The following TACC2 variants were observed in gnomAD, a reference collection of about 807,000 sequenced individuals.
TACC2 encodes the protein transforming acidic coiled-coil containing protein 2, also known as transforming acidic coiled-coil-containing protein 2.
Under a neutral mutation model 227.3 loss-of-function variants are expected in TACC2, and 137 were observed. That is an observed-to-expected ratio of 0.60 (90% CI 0.52 to 0.69). The LOEUF is 0.69. TACC2 is among the 30% of genes least tolerant of loss of function. TACC2 has a pLI of 0.00. For synonymous variants in TACC2, 1,523 were observed against 1,487.5 expected (o/e 1.02, Z -0.55); for missense variants, 3,470 against 3,694.4 (o/e 0.94, Z 1.57).
At chr10:122,171,785 C>T (rs11200450) in intron 7 of TACC2, among the ~76,000 whole-genome samples, 69 of 152,036 alleles carry the variant, frequency 4.5e-4, no homozygotes, top group Non-Finnish European at 7.9e-4. Context: ...ATTCTTTGTC[C>T]CATGAGGAAA....
At chr10:122,080,227 TTTTTTTTTGTG>T (rs1292698041) in intron 3 of TACC2, among the ~76,000 whole-genome samples, 957 of 10,974 alleles carry the variant, frequency 0.087, 11 homozygotes, top group African/African-American at 0.29. Flanking sequence ...TTTTTTTTGT[TTTTTTTTTGTG>T]TTTTTTTGTT....
chr10:122,177,597 G>T (rs977002144), intron 7 of TACC2, among the ~76,000 whole-genome samples: 4 of 152,106 alleles, frequency 2.6e-5, no homozygotes, highest in Admixed American at 1.3e-4. Flanking sequence ...TAAAATGATG[G>T]CCCAGGGAGT....
Position 122,211,354 on chromosome 10 carries a change from A to G in TACC2, c.6929A>G (p.Lys2310Arg), listed in dbSNP as rs1237798802. 2 of 1,613,698 alleles carry G rather than the reference A, an allele frequency of 1.2e-6. No individual in the cohort carries two copies. Among genetic ancestry groups the G allele is most frequent in the East Asian group, 4.5e-5 (2 of 44,882 alleles). ...CCAAAGATGAAAAAGACACCCGAGA[A>G]ACTTGACAACACTCCTGCCTCACCT... ...RRPKMKKTPEKLDNTPASPPR... is the reference protein window; with the variant it reads ...RRPKMKKTPERLDNTPASPPR... Residue 2310 changes from lysine to arginine, a missense_variant, in exon 9 of 23, where the codon AAA becomes AGA. Physicochemically the swap from Lys to Arg is conservative, Grantham distance 26. This residue lies in a region of TACC2 where 593 missense variants were observed against 636.6 expected (regional missense o/e 0.93). Transcript: ENST00000369005.
chr10:122,071,251 AATT>A (rs1258706509), intron 3 of TACC2, among the ~76,000 whole-genome samples: 1 of 152,182 alleles, frequency 6.6e-6, no homozygotes, highest in Non-Finnish European at 1.5e-5. Flanking sequence ...AATGATCAGA[AATT>A]ATTATATCAG....
intron 1 of TACC2, among the ~76,000 whole-genome samples, chr10:121,991,640 C>T (rs929218536): frequency 2.0e-5 from 3 of 152,238 alleles, no homozygotes; most frequent in South Asian, 2.1e-4. Flanking sequence ...CCATCTCAGC[C>T]GGTATACAGA....
intron 5 of TACC2, among the ~76,000 whole-genome samples, chr10:122,095,679 C>T (rs757815318): frequency 5.9e-5 from 9 of 152,184 alleles, no homozygotes; most frequent in East Asian, 1.9e-4. Context: ...ACGTTCAGAA[C>T]GCTGATCATT....
intron 7 of TACC2, among the ~76,000 whole-genome samples, chr10:122,146,082 G>A (rs1004870960): frequency 6.6e-6 from 1 of 152,168 alleles, no homozygotes; most frequent in African/African-American, 2.4e-5. Context: ...TGAGTTACTA[G>A]GGGAGAAGTG....
intron 5 of TACC2, among the ~76,000 whole-genome samples, chr10:122,092,782 A>G (rs975426055): frequency 6.6e-6 from 1 of 152,220 alleles, no homozygotes; most frequent in African/African-American, 2.4e-5. Context: ...CTCACAATGC[A>G]TAGAAATGTA....
At chr10:122,076,231 A>G (rs970203681) in intron 3 of TACC2, among the ~76,000 whole-genome samples, 1 of 152,142 alleles carries the variant, frequency 6.6e-6, no homozygotes, top group East Asian at 1.9e-4. Context: ...AGAAATGAGC[A>G]TACTAGCTCA....
chr10:122,235,019 A>G (rs905928072), intron 16 of TACC2, among the ~76,000 whole-genome samples: 1 of 151,924 alleles, frequency 6.6e-6, no homozygotes, highest in African/African-American at 2.4e-5. Flanking sequence ...ATTGCTCATT[A>G]AAAAAAACAC....
At position 122,090,271 on chromosome 10, in the gene TACC2, G is replaced by A. The variant is rs150430891; in HGVS notation, c.5573+1680G>A. Among the ~76,000 whole-genome samples the A allele has an allele frequency of 5.2e-4, 79 of 152,152 alleles. 1 individual carries two copies. The highest frequency in any genetic ancestry group is 1.8e-3 in the African/African-American group (76 of 41,546). On this transcript the variant is annotated intron_variant, in intron 5 of 22. Transcript: ENST00000369005. ...GGAAAAGTAGATACAGAAGGGGCAG[G>A]TGTGGTGGCTCACACCTGTAATCCC...
At position 122,252,495 on chromosome 10, in the gene TACC2, TC is replaced by T. The variant is rs1244903547; in HGVS notation, c.8782-1495del. Among the ~76,000 whole-genome samples, 1,175 of 151,098 alleles carry T rather than the reference TC, an allele frequency of 7.8e-3. 25 individuals are homozygous for T. Among genetic ancestry groups the T allele is most frequent in the African/African-American group, 0.028 (1,130 of 40,984 alleles). The stretch of plus-strand genomic sequence containing the variant: ...TGGCAATGAGAGTTTTTTTTTTCTT[TC>T]TTTTTTTTTTTTGAGATGAAGTCTG... On this transcript the variant is annotated intron_variant, in intron 22 of 22. Transcript: ENST00000369005.
rs138289437 is a variant in TACC2, at chr10:122,219,298, A to G, written c.7546+2470A>G. On this transcript the variant is annotated intron_variant, in intron 11 of 22. Coordinates refer to ENST00000369005, the MANE Select transcript of TACC2 (RefSeq NM_206862.4). ...TAGCCCCTCCCAGCCTTTCCCTGGAATTCCGCTCCTGGCTCTGCCCGCCTT... is the reference window on the plus strand; with the variant it reads ...TAGCCCCTCCCAGCCTTTCCCTGGAGTTCCGCTCCTGGCTCTGCCCGCCTT... Among the ~76,000 whole-genome samples the G allele has an allele frequency of 5.9e-3, 894 of 151,812 alleles. 10 individuals carry two copies. The highest frequency in any genetic ancestry group is 0.021 in the African/African-American group (850 of 41,368).
rs1419068426 is a variant in TACC2 at position 122,141,672 on chromosome 10, G to C, written c.5700-1900G>C. On this transcript the variant is annotated intron_variant, in intron 6 of 22. Transcript: ENST00000369005. The surrounding 1 kb of genome is among the most constrained non-coding windows in gnomAD (Gnocchi z 4.3). Reference sequence around the variant, plus strand: ...GATTAGCAGCGGGCCACAGATCTAAGGTAGCATCTCCCCCCCACCCGCCAC... The same window carrying C: ...GATTAGCAGCGGGCCACAGATCTAACGTAGCATCTCCCCCCCACCCGCCAC... 6.6e-6 allele frequency among the ~76,000 whole-genome samples: 1 copy of C among 152,072 alleles called. No individual in the cohort carries two copies. The highest frequency in any genetic ancestry group is 1.5e-5 in the Non-Finnish European group (1 of 68,010).
intron 2 of TACC2, among the ~76,000 whole-genome samples, chr10:122,027,806 T>C (rs1172611552): frequency 3.3e-5 from 5 of 150,862 alleles, no homozygotes; most frequent in African/African-American, 1.2e-4. Context: ...TGCAATGGAG[T>C]GATCTCGGCT....
chr10:122,004,869 G>T (rs917618016), intron 1 of TACC2, among the ~76,000 whole-genome samples: 1 of 152,044 alleles, frequency 6.6e-6, no homozygotes, highest in Non-Finnish European at 1.5e-5. Flanking sequence ...TTATTATTTT[G>T]TATTTTGTAA....
intron 7 of TACC2, among the ~76,000 whole-genome samples, chr10:122,160,045 T>G (rs1234675867): frequency 1.3e-5 from 2 of 152,238 alleles, no homozygotes; most frequent in Admixed American, 1.3e-4. Context: ...ATCTTTTGGC[T>G]ACAGGGATTT....
At chr10:122,059,632 C>T (rs1392410381) in intron 3 of TACC2, among the ~76,000 whole-genome samples, 1 of 152,246 alleles carries the variant, frequency 6.6e-6, no homozygotes, top group East Asian at 1.9e-4. Context: ...GGTGAGGATG[C>T]AGCTGGCAGC....
Position 122,229,328 on chromosome 10 carries a change from C to T in TACC2, c.7897-18C>T, listed in dbSNP as rs1296744487. On this transcript the variant is annotated intron_variant, in intron 14 of 22. Coordinates refer to ENST00000369005, the MANE Select transcript of TACC2 (RefSeq NM_206862.4). ...TCCTCTATTTTTCTTGTGTGTCCTC[C>T]TCTCTGCCGGCTTTCAGACAGCTCC... The T allele has an allele frequency of 1.4e-5, 23 of 1,613,626 alleles. No individual in the cohort carries two copies. The highest frequency in any genetic ancestry group is 1.9e-5 in the Non-Finnish European group (23 of 1,179,900).
Sources: gnomAD v4.1 joint callset for allele counts (sites outside exome capture counted in the v4.1 genomes callset) on GRCh38, gnomAD v4.1.1 for gene constraint, gnomAD v4.1.1 regional missense constraint, Gnocchi (gnomAD v3.1) non-coding constraint, MANE v1.5 for transcripts, NCBI Gene and HGNC (gene_info 2026-07-23, HGNC 2026-07-21) for gene names.